Variants in MYO3B observed in about 807,000 individuals in gnomAD.
MYO3B encodes the protein myosin-IIIb.
Under a neutral mutation model 174.6 loss-of-function variants are expected in MYO3B, and 156 were observed. The observed-to-expected ratio is 0.89, with a 90% CI of 0.78 to 1.02. The LOEUF (loss-of-function observed/expected upper bound fraction) is 1.02, where lower values mean the gene tolerates loss of function less well. Among genes scored for constraint, MYO3B ranks in the 50% least tolerant of loss-of-function variants. The probability of loss-of-function intolerance (pLI) is 0.00; values close to 1 mark genes in which losing one functional copy is unlikely to be tolerated. For synonymous variants in MYO3B, 563 were observed against 569.1 expected (o/e 0.99, Z 0.15); for missense variants, 1,632 against 1,639.4 (o/e 1.00, Z 0.08).
At chr2:170,401,779 T>A in intron 18 of MYO3B, 88 bp downstream of exon 18, 2 of 1,072,272 alleles carry the variant, frequency 1.9e-6, no homozygotes, top group Non-Finnish European at 2.7e-6. Flanking sequence ...CATTTGGTCC[T>A]CTCTGGGATT....
intron 29 of MYO3B, among the ~76,000 whole-genome samples, chr2:170,515,314 T>A (rs1365380858): frequency 6.6e-6 from 1 of 152,216 alleles, no homozygotes; most frequent in Non-Finnish European, 1.5e-5. Flanking sequence ...TCCTTACCAA[T>A]GGCTTCGCCT....
chr2:170,610,316 G>A (rs1253835569), intron 32 of MYO3B, among the ~76,000 whole-genome samples: 1 of 151,770 alleles, frequency 6.6e-6, no homozygotes. Context: ...ACTCCAGCCT[G>A]GGTGACAGAG....
At chr2:170,478,648 A>G in intron 25 of MYO3B, among the ~76,000 whole-genome samples, 1 of 148,778 alleles carries the variant, frequency 6.7e-6, no homozygotes. Context: ...AGCTCACTAC[A>G]ACCTCCGCCT....
chr2:170,576,573 C>T (rs1692798397), intron 32 of MYO3B, among the ~76,000 whole-genome samples: 1 of 152,148 alleles, frequency 6.6e-6, no homozygotes, highest in Admixed American at 6.5e-5. Context: ...ATTCCACCGT[C>T]ACACAGAGCA....
intron 7 of MYO3B, among the ~76,000 whole-genome samples, chr2:170,277,187 A>C (rs2093469622): frequency 6.6e-6 from 1 of 152,194 alleles, no homozygotes; most frequent in Non-Finnish European, 1.5e-5. Context: ...CTTCAGCAGC[A>C]CCTAGAAGTC....
intron 32 of MYO3B, among the ~76,000 whole-genome samples, chr2:170,623,785 T>C (rs925000041): frequency 6.6e-6 from 1 of 152,254 alleles, no homozygotes; most frequent in African/African-American, 2.4e-5. Flanking sequence ...TTCATCTTTC[T>C]ACATATGGCT....
intron 14 of MYO3B, among the ~76,000 whole-genome samples, chr2:170,391,263 T>C (rs2094409923): frequency 6.6e-6 from 1 of 152,168 alleles, no homozygotes; most frequent in Non-Finnish European, 1.5e-5. Context: ...GCTCAACATA[T>C]GTAACTTGAG....
intron 1 of MYO3B, among the ~76,000 whole-genome samples, chr2:170,194,996 C>T (rs962255822): frequency 2.6e-5 from 4 of 152,104 alleles, no homozygotes; most frequent in East Asian, 1.9e-4. Flanking sequence ...AGCCCTTCCG[C>T]GTTCTTCTGC....
rs948499000 is a variant in MYO3B, at chr2:170,435,768, G to A, written c.2651-8199G>A. Among the ~76,000 whole-genome samples the A allele has an allele frequency of 7.9e-5, 12 of 152,142 alleles. 1 individual carries two copies. The highest frequency in any genetic ancestry group is 2.4e-4 in the African/African-American group (10 of 41,434). On this transcript the variant is annotated intron_variant, in intron 22 of 34. Coordinates refer to ENST00000408978, the MANE Select transcript of MYO3B (RefSeq NM_138995.5). ...TGTGTTTGGAGAGAAAATTAAAATC[G>A]GAAAATTTCTCAAACAAATGCCCAC... is the stretch of plus-strand genomic sequence containing the variant.
At chr2:170,228,987 A>G (rs2092985265) in intron 6 of MYO3B, among the ~76,000 whole-genome samples, 1 of 149,836 alleles carries the variant, frequency 6.7e-6, no homozygotes, top group African/African-American at 2.5e-5. Context: ...AAAAACAACG[A>G]ATCTCAAATG....
intron 22 of MYO3B, among the ~76,000 whole-genome samples, chr2:170,431,019 C>T (rs1574968311): frequency 6.6e-6 from 1 of 152,300 alleles, no homozygotes; most frequent in East Asian, 1.9e-4. Flanking sequence ...CCTGATTGCT[C>T]TGAGATTGGA....
chr2:170,408,372 C>A (rs1046771360), intron 22 of MYO3B: 7 of 152,544 alleles, frequency 4.6e-5, no homozygotes, highest in African/African-American at 1.7e-4. Context: ...GTGGCCTTTG[C>A]CTACTTACAG....
intron 32 of MYO3B, among the ~76,000 whole-genome samples, chr2:170,551,859 C>T (rs1240856511): frequency 6.6e-6 from 1 of 152,090 alleles, no homozygotes; most frequent in East Asian, 1.9e-4. Context: ...CCTTGCTGTT[C>T]TCATGATTGT....
intron 24 of MYO3B, 62 bp downstream of exon 24, chr2:170,463,507 A>T: frequency 7.0e-7 from 1 of 1,422,074 alleles, no homozygotes; most frequent in Non-Finnish European, 9.8e-7. Flanking sequence ...AAGCCTTCTT[A>T]TGAGATGCCC....
At chr2:170,462,515 T>A (rs896997011) in intron 23 of MYO3B, among the ~76,000 whole-genome samples, 1 of 152,226 alleles carries the variant, frequency 6.6e-6, no homozygotes, top group Non-Finnish European at 1.5e-5. Flanking sequence ...GCTGCAGACA[T>A]CCTCACCCCA....
chr2:170,604,940 A>G (rs1180040028), intron 32 of MYO3B, among the ~76,000 whole-genome samples: 1 of 151,936 alleles, frequency 6.6e-6, no homozygotes, highest in East Asian at 1.9e-4. Context: ...TAACATAAAC[A>G]CTCAGTTAAT....
chr2:170,339,546 C>T lies in MYO3B; in HGVS notation c.815+4096C>T, dbSNP rs567882085. 2.1e-4 allele frequency among the ~76,000 whole-genome samples: 32 copies of T among 152,130 alleles called. 1 individual carries two copies. In the South Asian group the frequency reaches 5.0e-3, roughly 24 times the overall value. On this transcript the variant is annotated intron_variant, in intron 8 of 34. Transcript: ENST00000408978. ...TGGGGTGTGTGTGTGCACGTGCATA[C>T]GCGTGTAGGAGGGCCAGGAAGGCAG...
At chr2:170,596,324 C>T (rs115856551) in intron 32 of MYO3B, among the ~76,000 whole-genome samples, 307 of 152,312 alleles carry the variant, frequency 2.0e-3, no homozygotes, top group African/African-American at 6.9e-3. Context: ...AAAGCTGTCG[C>T]TTCAGGTAGA....
At chr2:170,458,531 G>T (rs1194808840) in intron 23 of MYO3B, among the ~76,000 whole-genome samples, 1 of 152,188 alleles carries the variant, frequency 6.6e-6, no homozygotes, top group East Asian at 1.9e-4. Context: ...GCTAGATGAT[G>T]CCCTAATAGA....
Sources: gnomAD v4.1 joint callset for allele counts (sites outside exome capture counted in the v4.1 genomes callset) on GRCh38, gnomAD v4.1.1 for gene constraint, MANE v1.5 for transcripts, NCBI Gene and HGNC (gene_info 2026-07-23, HGNC 2026-07-21) for gene names.